The following DPP10 variants were observed in gnomAD, a reference collection of about 807,000 sequenced individuals.
DPP10 encodes dipeptidyl peptidase like 10, also known as inactive dipeptidyl peptidase 10.
A neutral mutation model predicts 120.9 loss-of-function variants in DPP10; 33 were observed. The observed-to-expected ratio is 0.27, with a 90% CI of 0.21 to 0.37. The LOEUF is 0.37. DPP10 is among the 10% of genes least tolerant of loss of function. The pLI, the probability that DPP10 is intolerant of heterozygous loss-of-function variation, is 1.00. For missense variants in DPP10, 816 were observed against 942.8 expected, an observed-to-expected ratio of 0.87 and a Z score of 1.76; for synonymous variants, 337 against 326.1, an observed-to-expected ratio of 1.03 and a Z score of -0.36.
At chr2:115,699,045 A>AAAAAAAAAAAAAAAAG (rs1258572623) in intron 7 of DPP10, among the ~76,000 whole-genome samples, 1 of 142,304 alleles carries the variant, frequency 7.0e-6, no homozygotes. Context: ...ACAAAAAAAA[A>AAAAAAAAAAAAAAAAG]AAAACAAGAG....
In DPP10 at chr2:115,768,277, T is replaced by C. The variant is rs1223412573; in HGVS notation, c.1114-20T>C. 6.2e-7 allele frequency: 1 copy of C among 1,608,398 alleles called. No homozygotes were observed. The highest frequency in any genetic ancestry group is 1.3e-5 in the African/African-American group (1 of 74,920). ...TGCATGTGCCTTTCTGAGATTGTTCTGTGCTCTTCTGTATTTTAGAATGAG... is the reference window on the plus strand; with the variant it reads ...TGCATGTGCCTTTCTGAGATTGTTCCGTGCTCTTCTGTATTTTAGAATGAG... On this transcript the variant is annotated intron_variant, in intron 12 of 25. Coordinates refer to ENST00000410059, the MANE Select transcript of DPP10 (RefSeq NM_020868.6).
intron 1 of DPP10, among the ~76,000 whole-genome samples, chr2:114,777,962 G>C (rs1290120321): frequency 1.3e-5 from 2 of 152,046 alleles, no homozygotes; most frequent in Non-Finnish European, 2.9e-5. Context: ...TCAATAATCT[G>C]AAGATCTAAA....
chr2:114,840,109 T>G (rs1018838691), intron 1 of DPP10, among the ~76,000 whole-genome samples: 1 of 152,176 alleles, frequency 6.6e-6, no homozygotes, highest in Non-Finnish European at 1.5e-5. Context: ...AACAGTTGTT[T>G]TCCTAAGTAA....
chr2:114,841,772 G>A (rs1275254757), intron 1 of DPP10, among the ~76,000 whole-genome samples: 1 of 152,060 alleles, frequency 6.6e-6, no homozygotes, highest in Non-Finnish European at 1.5e-5. Context: ...GCCATGATTG[G>A]GAGCTATACA....
At chr2:114,830,099 T>A (rs1458101983) in intron 1 of DPP10, among the ~76,000 whole-genome samples, 1 of 152,096 alleles carries the variant, frequency 6.6e-6, no homozygotes, top group Middle Eastern at 3.2e-3. Context: ...AGTAGGTAGG[T>A]CTCTCCCACC....
intron 8 of DPP10, among the ~76,000 whole-genome samples, chr2:115,738,777 T>C (rs1676914124): frequency 6.6e-6 from 1 of 152,206 alleles, no homozygotes; most frequent in South Asian, 2.1e-4. Context: ...TGAGGGTCTC[T>C]TCTGAGTCTG....
At chr2:115,722,832 C>A (rs984282392) in intron 7 of DPP10, among the ~76,000 whole-genome samples, 3 of 152,136 alleles carry the variant, frequency 2.0e-5, no homozygotes, top group African/African-American at 7.2e-5. Context: ...AGATATTACT[C>A]TAGTGGTCCA....
intron 10 of DPP10, chr2:115,750,095 A>T (rs1161283310): frequency 1.0e-6 from 1 of 985,388 alleles, no homozygotes; most frequent in East Asian, 1.1e-4. Flanking sequence ...TCTGCTGGCC[A>T]CTGGTCGTGG....
intron 4 of DPP10, among the ~76,000 whole-genome samples, chr2:115,501,725 G>A (rs946098477): frequency 1.3e-5 from 2 of 151,982 alleles, no homozygotes; most frequent in African/African-American, 4.8e-5. Context: ...AACAAAAATA[G>A]GAATTACCAT....
In DPP10 at chr2:115,668,414, T is replaced by C. The variant is rs933768778; in HGVS notation, c.442-21273T>C. On this transcript the variant is annotated intron_variant, in intron 5 of 25. Transcript: ENST00000410059. ...CTCTGTCTTACATGCTCATTCACCA[T>C]GTGATGCCTTCCACAATGGAACAAA... Among the ~76,000 whole-genome samples, 4 of 152,126 alleles carry C rather than the reference T, an allele frequency of 2.6e-5. No individual in the cohort carries two copies. In the South Asian group the frequency reaches 8.3e-4, roughly 32 times the overall value.
chr2:115,059,812 C>T (rs1351738962), intron 1 of DPP10, among the ~76,000 whole-genome samples: 2 of 151,260 alleles, frequency 1.3e-5, no homozygotes, highest in Non-Finnish European at 2.9e-5. Context: ...GTTAGTTCTA[C>T]TGGAGACGTT....
In DPP10 at chr2:114,595,209, C is replaced by T. The variant is rs574011035; in HGVS notation, c.60+152371C>T. 7.0e-4 allele frequency among the ~76,000 whole-genome samples: 106 copies of T among 152,146 alleles called. 1 individual carries two copies. The highest frequency in any genetic ancestry group is 1.2e-3 in the Non-Finnish European group (82 of 68,006). On this transcript the variant is annotated intron_variant, in intron 1 of 25. Coordinates refer to ENST00000410059, the MANE Select transcript of DPP10 (RefSeq NM_020868.6). ...GGTTAGATAAGCAAGCAACAGACAA[C>T]GTACACACAGACCACATATTGAGAA...
At chr2:115,729,417 T>G (rs1294153123) in intron 8 of DPP10, among the ~76,000 whole-genome samples, 1 of 152,136 alleles carries the variant, frequency 6.6e-6, no homozygotes, top group Non-Finnish European at 1.5e-5. Context: ...CACAGAATTC[T>G]ATGGAAGAAC....
At chr2:114,730,904 CTT>C (rs1272629018) in intron 1 of DPP10, among the ~76,000 whole-genome samples, 27 of 140,246 alleles carry the variant, frequency 1.9e-4, no homozygotes, top group African/African-American at 2.6e-4. Flanking sequence ...TTTTTTTTTT[CTT>C]TTTTTTTTTT....
Position 115,446,737 on chromosome 2 carries a change from G to A in DPP10, c.272-52773G>A, listed in dbSNP as rs545494414. Among the ~76,000 whole-genome samples the A allele has an allele frequency of 3.9e-5, 6 of 152,186 alleles. No individual in the cohort carries two copies. The East Asian group carries it at 1.2e-3, about 30-fold the overall frequency. ...TATCTTAGTGCACCTAAAGGGAAAG[G>A]GATGTGCTTATTAGGTCCACTATTT... On this transcript the variant is annotated intron_variant, in intron 3 of 25. Coordinates refer to ENST00000410059, the MANE Select transcript of DPP10 (RefSeq NM_020868.6).
At chr2:114,808,845 T>G (rs1684954655) in intron 1 of DPP10, among the ~76,000 whole-genome samples, 1 of 152,146 alleles carries the variant, frequency 6.6e-6, no homozygotes, top group Non-Finnish European at 1.5e-5. Context: ...CAATATAAAA[T>G]GCATTCCACT....
chr2:115,681,943 C>T (rs1434518202), intron 5 of DPP10, among the ~76,000 whole-genome samples: 1 of 151,738 alleles, frequency 6.6e-6, no homozygotes, highest in Non-Finnish European at 1.5e-5. Context: ...AATGAAATGA[C>T]CACTTTTCGA....
intron 2 of DPP10, among the ~76,000 whole-genome samples, chr2:115,327,771 G>A (rs552391067): frequency 6.6e-6 from 1 of 152,108 alleles, no homozygotes; most frequent in Admixed American, 6.6e-5. Context: ...TTCAAAAGAT[G>A]TTGAGAGTCA....
intron 1 of DPP10, among the ~76,000 whole-genome samples, chr2:114,634,662 G>A (rs1205988287): frequency 6.6e-6 from 1 of 151,858 alleles, no homozygotes; most frequent in Non-Finnish European, 1.5e-5. Context: ...ATGAATTAGG[G>A]ATAATAATGT....
Sources: allele counts gnomAD v4.1 joint callset (sites outside exome capture counted in the v4.1 genomes callset), GRCh38; gene constraint gnomAD v4.1.1; transcripts MANE v1.5; gene names NCBI Gene and HGNC (gene_info 2026-07-23, HGNC 2026-07-21).